DENND4A: variants seen among roughly 807,000 people sequenced by gnomAD.
DENND4A encodes DENN domain containing 4A, also known as C-myc promoter-binding protein.
DENND4A carries 70 observed loss-of-function variants against 199.3 expected under a neutral mutation model. The observed-to-expected ratio is 0.35, with a 90% CI of 0.29 to 0.43. DENND4A has a LOEUF of 0.43. Ranked by LOEUF, DENND4A falls within the 20% of genes least tolerant of loss-of-function variation. The pLI is 1.00. For synonymous variants in DENND4A, 686 were observed against 766.9 expected, an observed-to-expected ratio of 0.89 and a Z score of 1.74; for missense variants, 1,723 against 2,255.8, an observed-to-expected ratio of 0.76 and a Z score of 4.78.
chr15:65,736,743 G>A (rs558305132), intron 7 of DENND4A, among the ~76,000 whole-genome samples: 1 of 152,214 alleles, frequency 6.6e-6, no homozygotes, highest in African/African-American at 2.4e-5. Flanking sequence ...TCTGTGGGAG[G>A]CCAGGCTTTC....
At chr15:65,701,963 A>T (rs1214777667) in intron 17 of DENND4A, 73 bp from the exon 18 acceptor site, 1 of 1,585,684 alleles carries the variant, frequency 6.3e-7, no homozygotes, top group African/African-American at 1.3e-5. Flanking sequence ...AAAATAATGC[A>T]TTTTAAACAA....
chr15:65,705,601 T>C (rs1056725413), intron 15 of DENND4A, among the ~76,000 whole-genome samples: 6 of 152,120 alleles, frequency 3.9e-5, no homozygotes, highest in Admixed American at 3.9e-4. Flanking sequence ...TAATTCTGAA[T>C]TTCCATGACT....
chr15:65,739,597 A>C (rs1436906454), intron 5 of DENND4A, among the ~76,000 whole-genome samples: 5 of 152,192 alleles, frequency 3.3e-5, no homozygotes, highest in Admixed American at 2.0e-4. Flanking sequence ...TCAAGTAGAA[A>C]CTATCACTAG....
At chr15:65,776,009 G>C (rs555349157) in intron 1 of DENND4A, among the ~76,000 whole-genome samples, 1 of 152,176 alleles carries the variant, frequency 6.6e-6, no homozygotes, top group East Asian at 1.9e-4. Context: ...GCTCTTCGAA[G>C]CCTTCCTTAC....
intron 11 of DENND4A, among the ~76,000 whole-genome samples, chr15:65,724,381 GT>G (rs35006844): frequency 0.35 from 49,804 of 143,182 alleles, 9,038 homozygotes; most frequent in East Asian, 0.78. Context: ...TTTTTGAATC[GT>G]TTTTTTTTTT....
intron 5 of DENND4A, among the ~76,000 whole-genome samples, chr15:65,740,870 G>A (rs1210478861): frequency 4.6e-5 from 7 of 152,092 alleles, no homozygotes; most frequent in African/African-American, 9.6e-5. Context: ...ACTGAGGCAA[G>A]AGGATACCTT....
chr15:65,744,810 A>G (rs760357097), intron 4 of DENND4A, among the ~76,000 whole-genome samples: 3 of 152,224 alleles, frequency 2.0e-5, no homozygotes, highest in Non-Finnish European at 4.4e-5. Context: ...CAAGAATTAA[A>G]TAAGAATTGT....
intron 27 of DENND4A, among the ~76,000 whole-genome samples, chr15:65,668,671 A>T (rs2076122656): frequency 6.6e-6 from 1 of 152,070 alleles, no homozygotes; most frequent in Admixed American, 6.5e-5. Context: ...AAATAGAAAA[A>T]TTAGCCAGGT....
chr15:65,746,523 A>G (rs2076402626), intron 4 of DENND4A, among the ~76,000 whole-genome samples: 1 of 150,936 alleles, frequency 6.6e-6, no homozygotes, highest in South Asian at 2.1e-4. Context: ...AGTAGCTGGG[A>G]TTACAGGTGT....
intron 12 of DENND4A, among the ~76,000 whole-genome samples, chr15:65,722,055 A>G (rs958798390): frequency 2.0e-5 from 3 of 152,028 alleles, no homozygotes; most frequent in Non-Finnish European, 2.9e-5. Context: ...AATAAAAAAC[A>G]TTTTTAAAAG....
At chr15:65,718,760 C>CTTTTTTTTTTTTTTTTTTT (rs1038227560) in intron 12 of DENND4A, among the ~76,000 whole-genome samples, 3 of 67,738 alleles carry the variant, frequency 4.4e-5, no homozygotes, top group Non-Finnish European at 5.9e-5. Context: ...GTTTTTTTTC[C>CTTTTTTTTTTTTTTTTTTT]TTTTTTTTTT....
rs567657511 is a variant in DENND4A at position 65,753,010 on chromosome 15, T to G, written c.312-382A>C. Among the ~76,000 whole-genome samples the G allele has an allele frequency of 9.2e-5, 14 of 152,342 alleles. No individual in the cohort carries two copies. In the East Asian group the frequency reaches 2.7e-3, roughly 29 times the overall value. ...AAGTTAAAATTTTACAAAAGGTTACTTGCCCAACTGTGTAGAGTCTGCTTG... is the reference window on the plus strand; with the variant it reads ...AAGTTAAAATTTTACAAAAGGTTACGTGCCCAACTGTGTAGAGTCTGCTTG... On this transcript the variant is annotated intron_variant, in intron 3 of 32. Transcript: ENST00000443035.
chr15:65,746,385 T>C (rs1374793341), intron 4 of DENND4A, among the ~76,000 whole-genome samples: 15 of 120,648 alleles, frequency 1.2e-4, no homozygotes, highest in African/African-American at 4.8e-4. Context: ...TTTTTTTTTT[T>C]TTTTTTTTTT....
intron 4 of DENND4A, among the ~76,000 whole-genome samples, chr15:65,747,621 A>G (rs1453273277): frequency 1.3e-5 from 2 of 152,204 alleles, no homozygotes; most frequent in African/African-American, 4.8e-5. Context: ...TTAAAACCAA[A>G]TTCAGGGTCC....
rs759053878 is a variant in DENND4A at position 65,729,152 on chromosome 15, C to T, written c.1407G>A (p.Gly469=). 6.3e-7 allele frequency: 1 copy of T among 1,591,068 alleles called. No homozygotes were observed. The highest frequency in any genetic ancestry group is 8.6e-7 in the Non-Finnish European group (1 of 1,167,688). Residue 469 remains glycine (G), a synonymous_variant, in exon 11 of 33, where the codon GGG becomes GGA. Transcript: ENST00000443035. ...VLSAPCPFIV[G]IDSRYFDLYD... is the part of the protein sequence containing the mutation. ...AGAGATCAAAGTATCTTGAATCAAT[C>T]CCTACTATGAATGGACATGGTGCAC...
chr15:65,689,293 A>G (rs1489606000), intron 23 of DENND4A, among the ~76,000 whole-genome samples: 1 of 152,204 alleles, frequency 6.6e-6, no homozygotes, highest in Non-Finnish European at 1.5e-5. Flanking sequence ...TAATTCAAAC[A>G]TCTGGATCAC....
chr15:65,753,663 A>G (rs1054874370), intron 3 of DENND4A, among the ~76,000 whole-genome samples: 1 of 151,912 alleles, frequency 6.6e-6, no homozygotes, highest in African/African-American at 2.4e-5. Context: ...CTAGCTACAA[A>G]TTAAATATGT....
intron 14 of DENND4A, among the ~76,000 whole-genome samples, chr15:65,707,506 T>C (rs2075101408): frequency 6.6e-6 from 1 of 152,154 alleles, no homozygotes; most frequent in Non-Finnish European, 1.5e-5. Context: ...AAATTATTGA[T>C]TATAATTTCA....
At chr15:65,728,608 C>T (rs1249954031) in intron 11 of DENND4A, among the ~76,000 whole-genome samples, 5 of 151,836 alleles carry the variant, frequency 3.3e-5, no homozygotes, top group Admixed American at 1.3e-4. Context: ...TTCAGCCTCC[C>T]GAGTAGCTGG....
Sources: gnomAD v4.1 joint callset for allele counts (sites outside exome capture counted in the v4.1 genomes callset) on GRCh38, gnomAD v4.1.1 for gene constraint, MANE v1.5 for transcripts, NCBI Gene and HGNC (gene_info 2026-07-23, HGNC 2026-07-21) for gene names.